The following GRM7 variants were observed in gnomAD, a reference collection of about 807,000 sequenced individuals.
The protein encoded by GRM7 is glutamate metabotropic receptor 7, also known as metabotropic glutamate receptor 7.
GRM7 carries 35 observed loss-of-function variants against 84.5 expected under a neutral mutation model. The ratio of observed to expected loss-of-function variants is 0.41; its 90% confidence interval spans 0.32 to 0.55. The LOEUF is 0.55. Among genes scored for constraint, GRM7 ranks in the 20% least tolerant of loss-of-function variants. The probability of loss-of-function intolerance (pLI) is 0.19; values close to 1 mark genes in which losing one functional copy is unlikely to be tolerated. For missense variants in GRM7, 1,003 were observed against 1,194.6 expected, an observed-to-expected ratio of 0.84 and a Z score of 2.36; for synonymous variants, 487 against 455.1, an observed-to-expected ratio of 1.07 and a Z score of -0.89.
intron 5 of GRM7, among the ~76,000 whole-genome samples, chr3:7,429,300 A>C (rs552448548): frequency 6.6e-6 from 1 of 152,338 alleles, no homozygotes; most frequent in South Asian, 2.1e-4. Flanking sequence ...GGTAAATGAC[A>C]ATAAAATGCA....
Position 7,350,364 on chromosome 3 carries a change from T to C in GRM7, c.1033+43712T>C, listed in dbSNP as rs114863494. ...GTTTCTCATGATTTAACACCATCCTTCTTGGTGCTATCATAGTGATAGTGA... is the reference window on the plus strand; with the variant it reads ...GTTTCTCATGATTTAACACCATCCTCCTTGGTGCTATCATAGTGATAGTGA... On this transcript the variant is annotated intron_variant, in intron 4 of 9. Transcript: ENST00000357716. Among the ~76,000 whole-genome samples the C allele has an allele frequency of 8.9e-3, 1,348 of 152,108 alleles. 23 individuals are homozygous for C. The highest frequency in any genetic ancestry group is 0.031 in the African/African-American group (1,278 of 41,502).
chr3:7,123,516 G>A (rs1690940787), intron 1 of GRM7, among the ~76,000 whole-genome samples: 1 of 152,136 alleles, frequency 6.6e-6, no homozygotes, highest in Non-Finnish European at 1.5e-5. Flanking sequence ...CTATTTGGGA[G>A]GTTGAGGCAG....
In GRM7 at chr3:7,099,681, G is replaced by GTATATGTACACGCATTATACATGTA. The variant is rs1699027624; in HGVS notation, c.520-46771_520-46770insTATATGTACACGCATTATACATGTA. Among the ~76,000 whole-genome samples, 30 of 56,118 alleles carry GTATATGTACACGCATTATACATGTA rather than the reference G, an allele frequency of 5.3e-4. 11 individuals carry two copies. In the African/African-American group the frequency reaches 6.0e-3, roughly 11 times the overall value. 36.8% of individuals were successfully genotyped at this position (56,118 alleles called of 152,430 possible). A position where few individuals can be genotyped will look rare whatever the true frequency, so the allele number is the denominator to read the frequency against. On this transcript the variant is annotated intron_variant, in intron 1 of 9. Coordinates refer to ENST00000357716, the MANE Select transcript of GRM7 (RefSeq NM_000844.4). ...GTATATGTACACGCATTATACATGT[G>GTATATGTACACGCATTATACATGTA]CACATATATGTATATGTACACGCAT...
intron 7 of GRM7, among the ~76,000 whole-genome samples, chr3:7,462,908 G>C (rs1005832595): frequency 6.6e-6 from 1 of 152,130 alleles, no homozygotes; most frequent in Admixed American, 6.5e-5. Context: ...CAAAAAAGAA[G>C]CTAAGATTAT....
At chr3:6,975,049 G>A (rs1693936694) in intron 1 of GRM7, among the ~76,000 whole-genome samples, 1 of 152,106 alleles carries the variant, frequency 6.6e-6, no homozygotes, top group South Asian at 2.1e-4. Flanking sequence ...AAGGGTGTGG[G>A]ATAGAATACA....
rs112772729 is a variant in GRM7 at position 7,625,022 on chromosome 3, G to A, written c.2451+45665G>A. Among the ~76,000 whole-genome samples the A allele has an allele frequency of 3.6e-4, 55 of 152,284 alleles. 1 individual carries two copies. The highest frequency in any genetic ancestry group is 1.3e-3 in the African/African-American group (52 of 41,556). ...CAATGCTAATATGCTTCCAGAACTT[G>A]GCCCAGGTCTCAGCAGCCGCGTTGG... On this transcript the variant is annotated intron_variant, in intron 8 of 9. Coordinates refer to ENST00000357716, the MANE Select transcript of GRM7 (RefSeq NM_000844.4).
At chr3:7,472,455 T>C (rs1039527269) in intron 7 of GRM7, among the ~76,000 whole-genome samples, 4 of 152,318 alleles carry the variant, frequency 2.6e-5, no homozygotes, top group Middle Eastern at 6.8e-3. Context: ...TGGAAAGAAC[T>C]CTAGATTCAA....
At chr3:7,467,026 A>T (rs1159971802) in intron 7 of GRM7, among the ~76,000 whole-genome samples, 2 of 152,156 alleles carry the variant, frequency 1.3e-5, no homozygotes, top group African/African-American at 4.8e-5. Context: ...TGTACTTTTT[A>T]AAATGATGGA....
intron 8 of GRM7, among the ~76,000 whole-genome samples, chr3:7,652,567 C>T (rs1466009729): frequency 6.6e-6 from 1 of 152,180 alleles, no homozygotes; most frequent in Non-Finnish European, 1.5e-5. Flanking sequence ...GCTCCCTTCA[C>T]AAGGCTGTTG....
chr3:7,441,393 C>G (rs1209131296), intron 5 of GRM7, among the ~76,000 whole-genome samples: 1 of 151,900 alleles, frequency 6.6e-6, no homozygotes, highest in Non-Finnish European at 1.5e-5. Flanking sequence ...GATATTAGAC[C>G]TTTGTTGGAT....
chr3:7,700,824 T>A (rs1701200775), intron 9 of GRM7, among the ~76,000 whole-genome samples: 1 of 152,216 alleles, frequency 6.6e-6, no homozygotes, highest in Non-Finnish European at 1.5e-5. Context: ...AGCCAGCAGC[T>A]GGCAGGAATG....
intron 1 of GRM7, among the ~76,000 whole-genome samples, chr3:7,142,646 A>T (rs1309635735): frequency 6.6e-6 from 1 of 152,140 alleles, no homozygotes; most frequent in Non-Finnish European, 1.5e-5. Flanking sequence ...TGGGGATACA[A>T]AGCCTAACCA....
chr3:7,693,116 T>TTTAA (rs1298897296), intron 9 of GRM7, among the ~76,000 whole-genome samples: 2 of 152,106 alleles, frequency 1.3e-5, no homozygotes, highest in African/African-American at 4.8e-5. Flanking sequence ...AACGGAAATG[T>TTTAA]TTAATTCTCA....
At chr3:7,097,092 G>T (rs1698883773) in intron 1 of GRM7, among the ~76,000 whole-genome samples, 1 of 152,232 alleles carries the variant, frequency 6.6e-6, no homozygotes, top group African/African-American at 2.4e-5. Context: ...ACACTTTTCT[G>T]TTGACATTGA....
At chr3:6,885,496 T>C (rs9856763) in intron 1 of GRM7, among the ~76,000 whole-genome samples, 1,980 of 152,306 alleles carry the variant, frequency 0.013, 46 homozygotes, top group African/African-American at 0.044. Context: ...GAGTGTCTTA[T>C]GCGGAGGTGT....
intron 2 of GRM7, among the ~76,000 whole-genome samples, chr3:7,256,437 C>G (rs550200934): frequency 2.7e-4 from 41 of 152,314 alleles, no homozygotes; most frequent in Middle Eastern, 3.4e-3. Flanking sequence ...CATAGCTTGG[C>G]AGCCCACAAT....
chr3:7,601,393 G>T (rs1452163093), intron 8 of GRM7, among the ~76,000 whole-genome samples: 1 of 151,982 alleles, frequency 6.6e-6, no homozygotes, highest in African/African-American at 2.4e-5. Context: ...AGAGACAGGG[G>T]TTCTATCTGG....
chr3:7,110,055 A>G (rs1160949008), intron 1 of GRM7, among the ~76,000 whole-genome samples: 1 of 152,154 alleles, frequency 6.6e-6, no homozygotes, highest in Admixed American at 6.6e-5. Flanking sequence ...TAAAAAATAT[A>G]CATAACATGA....
chr3:7,614,233 G>A (rs760317900), intron 8 of GRM7, among the ~76,000 whole-genome samples: 2 of 152,120 alleles, frequency 1.3e-5, no homozygotes, highest in Non-Finnish European at 2.9e-5. Flanking sequence ...CCACTGCACT[G>A]CAGCTTTGGT....
Sources: allele counts gnomAD v4.1 joint callset (sites outside exome capture counted in the v4.1 genomes callset), GRCh38; gene constraint gnomAD v4.1.1; transcripts MANE v1.5; gene names NCBI Gene and HGNC (gene_info 2026-07-23, HGNC 2026-07-21).